Variants in RAI2 observed in about 807,000 individuals in gnomAD.
RAI2 encodes the protein retinoic acid-induced protein 2.
Under a neutral mutation model 15.3 loss-of-function variants are expected in RAI2, and 5 were observed. The observed-to-expected ratio is 0.33, with a 90% CI of 0.17 to 0.69. The LOEUF (loss-of-function observed/expected upper bound fraction) is 0.69, where lower values mean the gene tolerates loss of function less well. Among genes scored for constraint, RAI2 ranks in the 30% least tolerant of loss-of-function variants. The pLI is 0.69. For missense variants in RAI2, 424 were observed against 424.7 expected (o/e 1.00, Z 0.01); for synonymous variants, 191 against 184.0 (o/e 1.04, Z -0.31).
At chrX:17,836,447 C>G (rs948732548) in intron 1 of RAI2, among the ~76,000 whole-genome samples, 7 of 112,228 alleles carry the variant, frequency 6.2e-5, no homozygotes, top group Admixed American at 4.7e-4. Flanking sequence ...TGTTGACTAT[C>G]TCAGTAATTT....
intron 1 of RAI2, among the ~76,000 whole-genome samples, chrX:17,816,856 G>A (rs866900521): frequency 6.3e-5 from 7 of 111,618 alleles, no homozygotes; most frequent in African/African-American, 1.6e-4. Flanking sequence ...CAAAGGGAAC[G>A]TGAGTTGAAA....
At chrX:17,802,250 A>G (rs771132577) in intron 1 of RAI2, among the ~76,000 whole-genome samples, 22 of 112,390 alleles carry the variant, frequency 2.0e-4, no homozygotes, top group African/African-American at 6.8e-4. Flanking sequence ...TTAACAGATG[A>G]TTAAGCTATA....
At chrX:17,840,029 T>C (rs768461011) in intron 1 of RAI2, among the ~76,000 whole-genome samples, 9 of 112,837 alleles carry the variant, frequency 8.0e-5, no homozygotes. Flanking sequence ...ACCAAGCATG[T>C]ACCAGTTTTC....
intron 1 of RAI2, among the ~76,000 whole-genome samples, chrX:17,809,968 C>T (rs2067026216): frequency 9.1e-6 from 1 of 109,849 alleles, no homozygotes; most frequent in South Asian, 3.9e-4. Context: ...ACTGGAATCT[C>T]ACTATGGTAC....
chrX:17,829,375 T>A (rs866431396), intron 1 of RAI2, among the ~76,000 whole-genome samples: 1 of 109,920 alleles, frequency 9.1e-6, no homozygotes, highest in Non-Finnish European at 1.9e-5. Context: ...GGGCTAATGA[T>A]TGAAATCACC....
intron 1 of RAI2, among the ~76,000 whole-genome samples, chrX:17,819,956 A>T (rs2067147611): frequency 8.9e-6 from 1 of 112,469 alleles, no homozygotes; most frequent in Non-Finnish European, 1.9e-5. Context: ...TAGGTTAATT[A>T]TCCCTTGATT....
Position 17,800,920 on chromosome X carries a change from C to T in RAI2, c.1091G>A (p.Gly364Asp), listed in dbSNP as rs766601151. ...EPPPETLYDSGASVDSSGHTV... is the reference protein window; with the variant it reads ...EPPPETLYDSDASVDSSGHTV... Reference sequence around the variant, plus strand: ...GTGACCTGAGCTGTCCACTGATGCACCACTGTCATACAGTGTCTCAGGGGG... The same window carrying T: ...GTGACCTGAGCTGTCCACTGATGCATCACTGTCATACAGTGTCTCAGGGGG... The change falls in exon 2 of 2, where the codon GGT becomes GAT. Residue 364 changes from glycine (G) to aspartate (D), a missense_variant. By Grantham distance (94) the Gly-to-Asp change is moderately conservative. Coordinates refer to ENST00000451717, the MANE Select transcript of RAI2 (RefSeq NM_021785.6). 4.1e-6 allele frequency: 5 copies of T among 1,209,047 alleles called. No individual in the cohort carries two copies. In the African/African-American group the frequency reaches 7.0e-5, roughly 17 times the overall value.
chrX:17,800,393 C>G lies in RAI2; in HGVS notation c.*25G>C, dbSNP rs772101604. ...AATGCACCTTTCCCCATATTATAAT[C>G]ATACAAATTTTAAAAAGCCGTTATT... is the stretch of plus-strand genomic sequence containing the variant. On this transcript the variant is annotated 3_prime_UTR_variant, in exon 2 of 2. Coordinates refer to ENST00000451717, the MANE Select transcript of RAI2 (RefSeq NM_021785.6). The G allele has an allele frequency of 3.5e-6, 4 of 1,155,468 alleles. No individual in the cohort carries two copies. The highest frequency in any genetic ancestry group is 2.4e-4 in the Middle Eastern group (1 of 4,114).
chrX:17,801,400 T>C lies in RAI2; in HGVS notation c.611A>G (p.Gln204Arg). The C allele has an allele frequency of 8.7e-7, 1 of 1,146,626 alleles. No homozygotes were observed. 94.5% of individuals were successfully genotyped at this position (1,146,626 alleles called of 1,213,427 possible). A position where few individuals can be genotyped will look rare whatever the true frequency, so the allele number is the denominator to read the frequency against. Residue 204 changes from glutamine (Q) to arginine (R), a missense_variant, in exon 2 of 2, where the codon CAG (glutamine) becomes CGG (arginine). Gln to Arg is a conservative substitution (Grantham distance 43). Coordinates refer to ENST00000451717, the MANE Select transcript of RAI2 (RefSeq NM_021785.6). Reference protein sequence around the residue: ...SQGTLGPPPCQPPPGYAPVPP... With the variant: ...SQGTLGPPPCRPPPGYAPVPP... ...CACAGGGGCATAGCCAGGAGGAGGC[T>C]GACAGGGTGGGGGCCCGAGAGTGCC...
chrX:17,846,618 C>T (rs2067461390), intron 1 of RAI2, among the ~76,000 whole-genome samples: 1 of 111,662 alleles, frequency 9.0e-6, no homozygotes. Flanking sequence ...ATTGCATTTC[C>T]TTCAGAACTG....
At chrX:17,847,022 A>T (rs2067470651) in intron 1 of RAI2, among the ~76,000 whole-genome samples, 1 of 111,764 alleles carries the variant, frequency 8.9e-6, no homozygotes, top group Non-Finnish European at 1.9e-5. Flanking sequence ...ACCATGTAAG[A>T]TGTCCCTTTG....
intron 1 of RAI2, among the ~76,000 whole-genome samples, chrX:17,807,735 C>T (rs867607288): frequency 1.2e-4 from 13 of 111,747 alleles, no homozygotes; most frequent in Admixed American, 4.7e-4. Flanking sequence ...GTTAGATGCC[C>T]GCAACCAACA....
intron 1 of RAI2, among the ~76,000 whole-genome samples, chrX:17,835,516 C>G (rs1013089905): frequency 8.9e-6 from 1 of 111,898 alleles, no homozygotes; most frequent in Non-Finnish European, 1.9e-5. Flanking sequence ...CAGCTGTGCC[C>G]TCCACACAGA....
At chrX:17,860,844 C>T (rs1448482008) in intron 1 of RAI2, 1 of 105,155 alleles carries the variant, frequency 9.5e-6, no homozygotes, top group Non-Finnish European at 2.0e-5. Context: ...GGCCAGTGCG[C>T]GGCGCCGGGA....
chrX:17,822,342 G>C (rs146769452), intron 1 of RAI2, among the ~76,000 whole-genome samples: 1,264 of 111,955 alleles, frequency 0.011, 18 homozygotes, highest in African/African-American at 0.038. Context: ...AAACAGGAGA[G>C]AGACCCGTGA....
intron 1 of RAI2, among the ~76,000 whole-genome samples, chrX:17,829,052 T>G (rs2067255615): frequency 9.0e-6 from 1 of 111,166 alleles, no homozygotes; most frequent in South Asian, 3.8e-4. Context: ...AAGCTATTTA[T>G]GCCTCTAGCT....
chrX:17,851,174 C>A, intron 1 of RAI2, among the ~76,000 whole-genome samples: 1 of 112,486 alleles, frequency 8.9e-6, no homozygotes, highest in East Asian at 2.8e-4. Context: ...AAGGGCAGGG[C>A]AGAATTGGCC....
intron 1 of RAI2, among the ~76,000 whole-genome samples, chrX:17,858,409 T>C (rs1375771407): frequency 8.9e-6 from 1 of 112,378 alleles, no homozygotes; most frequent in Non-Finnish European, 1.9e-5. Flanking sequence ...TTCCCTCCAC[T>C]ACCATCCTCT....
intron 1 of RAI2, among the ~76,000 whole-genome samples, chrX:17,844,386 G>C (rs981201237): frequency 3.6e-5 from 4 of 112,645 alleles, no homozygotes; most frequent in African/African-American, 1.3e-4. Flanking sequence ...TCCCAGACAT[G>C]TGTCTTTGCA....
Sources: allele counts gnomAD v4.1 joint callset (sites outside exome capture counted in the v4.1 genomes callset), GRCh38; gene constraint gnomAD v4.1.1; transcripts MANE v1.5; gene names NCBI Gene and HGNC (gene_info 2026-07-23, HGNC 2026-07-21).